POU6F2: variants seen among roughly 807,000 people sequenced by gnomAD.
The protein encoded by POU6F2 is POU domain, class 6, transcription factor 2.
A neutral mutation model predicts 71.3 loss-of-function variants in POU6F2; 31 were observed. The ratio of observed to expected loss-of-function variants is 0.43; its 90% confidence interval spans 0.33 to 0.59. The LOEUF is 0.59. Ranked by LOEUF, POU6F2 falls within the 20% of genes least tolerant of loss-of-function variation. The pLI is 0.04. For synonymous variants in POU6F2, 347 were observed against 355.7 expected (o/e 0.98, Z 0.27); for missense variants, 783 against 856.8 (o/e 0.91, Z 1.07).
intron 2 of POU6F2, among the ~76,000 whole-genome samples, chr7:39,098,703 C>G (rs1453693168): frequency 6.6e-6 from 1 of 152,170 alleles, no homozygotes; most frequent in African/African-American, 2.4e-5. Context: ...TTCAGCTTCC[C>G]CATCTCTGCA....
At chr7:39,198,808 C>T (rs953119625) in intron 2 of POU6F2, among the ~76,000 whole-genome samples, 2 of 152,146 alleles carry the variant, frequency 1.3e-5, no homozygotes, top group Non-Finnish European at 2.9e-5. Flanking sequence ...TTTTTATAGA[C>T]ACCTCCACTC....
At chr7:39,333,746 A>G (rs1785706654) in intron 4 of POU6F2, among the ~76,000 whole-genome samples, 1 of 152,168 alleles carries the variant, frequency 6.6e-6, no homozygotes, top group Non-Finnish European at 1.5e-5. Context: ...TCAAAAATAA[A>G]TAAATAAATA....
intron 4 of POU6F2, among the ~76,000 whole-genome samples, chr7:39,267,799 C>G (rs1017741258): frequency 6.6e-6 from 1 of 152,170 alleles, no homozygotes; most frequent in African/African-American, 2.4e-5. Flanking sequence ...TGAGCACACA[C>G]TGTTAACCCT....
intron 4 of POU6F2, among the ~76,000 whole-genome samples, chr7:39,271,249 T>C (rs1403161191): frequency 6.6e-6 from 1 of 152,194 alleles, no homozygotes; most frequent in Non-Finnish European, 1.5e-5. Context: ...TAAAGTTTTA[T>C]TGGAACCCAG....
intron 1 of POU6F2, among the ~76,000 whole-genome samples, chr7:39,001,357 G>A (rs1288332602): frequency 1.3e-5 from 2 of 152,070 alleles, no homozygotes; most frequent in Non-Finnish European, 1.5e-5. Flanking sequence ...CTTGTTATGG[G>A]TCAGGCATCT....
chr7:39,355,428 A>G (rs544512805), intron 5 of POU6F2, among the ~76,000 whole-genome samples: 5 of 152,292 alleles, frequency 3.3e-5, no homozygotes, highest in African/African-American at 4.8e-5. Context: ...TTGTATGTAT[A>G]TATGTGTTGG....
At chr7:38,984,255 C>T (rs1180781309) in intron 1 of POU6F2, 1 of 152,070 alleles carries the variant, frequency 6.6e-6, no homozygotes. Flanking sequence ...GATATAGTCG[C>T]TCAAAAGTAT....
intron 7 of POU6F2, among the ~76,000 whole-genome samples, chr7:39,449,096 T>G (rs1025760935): frequency 6.6e-6 from 1 of 152,224 alleles, no homozygotes; most frequent in Non-Finnish European, 1.5e-5. Flanking sequence ...CTACTTCGCA[T>G]AGCTGAGCAA....
intron 6 of POU6F2, among the ~76,000 whole-genome samples, chr7:39,418,963 ATG>A (rs373751521): frequency 2.9e-3 from 219 of 75,320 alleles, no homozygotes; most frequent in African/African-American, 0.011. Context: ...ATGTATATAT[ATG>A]TGTATATATG....
Position 38,984,285 on chromosome 7 carries a change from CCTT to C in POU6F2, c.105+6232_105+6234del, listed in dbSNP as rs1321612688. The C allele has an allele frequency of 2.6e-5, 4 of 152,250 alleles. No homozygotes were observed. The East Asian group carries it at 7.7e-4, about 29-fold the overall frequency. The allele number at this position is 152,250 out of a possible 1,614,324, so 9.4% of individuals were successfully genotyped here. ...AAGTATTGCTCTGACATTTTGTTCT[CCTT>C]CTTCACTGCCATTTCTCCATCAGCT... On this transcript the variant is annotated intron_variant, in intron 1 of 9. Coordinates refer to ENST00000518318, the MANE Select transcript of POU6F2 (RefSeq NM_001370959.1).
rs972962832 is a variant in POU6F2, at chr7:39,465,683, A to G, written c.*997A>G. On this transcript the variant is annotated 3_prime_UTR_variant, in exon 10 of 10. Coordinates refer to ENST00000518318, the MANE Select transcript of POU6F2 (RefSeq NM_001370959.1). ...TGAAATGCAGGAGAGACTCCAAAAT[A>G]ACTAGGGCTTTGCTCGATGAACTGT... 6.6e-6 allele frequency: 1 copy of G among 152,206 alleles called. No individual in the cohort carries two copies. The highest frequency in any genetic ancestry group is 2.4e-5 in the African/African-American group (1 of 41,450). 9.4% of individuals were successfully genotyped at this position (152,206 alleles called of 1,614,324 possible).
intron 4 of POU6F2, among the ~76,000 whole-genome samples, chr7:39,220,938 T>G (rs1794342027): frequency 6.6e-6 from 1 of 152,106 alleles, no homozygotes; most frequent in Non-Finnish European, 1.5e-5. Context: ...GCTGTAAGTG[T>G]AAAATTCACA....
At position 39,273,435 on chromosome 7, in the gene POU6F2, G is replaced by A. The variant is rs115525508; in HGVS notation, c.598+65815G>A. Among the ~76,000 whole-genome samples, 551 of 152,218 alleles carry A rather than the reference G, an allele frequency of 3.6e-3. 1 individual carries two copies. The highest frequency in any genetic ancestry group is 0.013 in the African/African-American group (525 of 41,514). Reference sequence around the variant, plus strand: ...CTTTCCAAAAACTCATAACCCCGTCGAATCAAGATTAAAACATCAGGAAAA... The same window carrying A: ...CTTTCCAAAAACTCATAACCCCGTCAAATCAAGATTAAAACATCAGGAAAA... On this transcript the variant is annotated intron_variant, in intron 4 of 9. Transcript: ENST00000518318.
At chr7:39,047,685 A>T (rs964789366) in intron 1 of POU6F2, among the ~76,000 whole-genome samples, 29 of 151,882 alleles carry the variant, frequency 1.9e-4, no homozygotes, top group African/African-American at 7.0e-4. Context: ...TCCAGTGTAG[A>T]TGCACTTAAT....
Position 39,467,568 on chromosome 7 carries a change from G to GA in POU6F2, c.*2888dup, listed in dbSNP as rs1789100311. On this transcript the variant is annotated 3_prime_UTR_variant, in exon 10 of 10. Coordinates refer to ENST00000518318, the MANE Select transcript of POU6F2 (RefSeq NM_001370959.1). ...GTTATCTGCATTTTCATTACTTCAT[G>GA]AAAAAATGACAGTGGATATTACATT... 6.6e-6 allele frequency: 1 copy of GA among 152,222 alleles called. No individual in the cohort carries two copies. The highest frequency in any genetic ancestry group is 6.5e-5 in the Admixed American group (1 of 15,294). 9.4% of individuals were successfully genotyped at this position (152,222 alleles called of 1,614,324 possible).
At chr7:39,084,099 C>CCCCCT (rs1791186304) in intron 1 of POU6F2, among the ~76,000 whole-genome samples, 1 of 152,142 alleles carries the variant, frequency 6.6e-6, no homozygotes, top group African/African-American at 2.4e-5. Flanking sequence ...TCTCCCTCAT[C>CCCCCT]CCCCTCCTTT....
At chr7:39,006,670 A>G (rs928070020) in intron 1 of POU6F2, 1 of 629,172 alleles carries the variant, frequency 1.6e-6, no homozygotes, top group African/African-American at 1.8e-5. Flanking sequence ...TCTGTCTGCC[A>G]AGTCCTGTAA....
intron 2 of POU6F2, among the ~76,000 whole-genome samples, chr7:39,145,759 G>T (rs1226356549): frequency 1.3e-5 from 2 of 152,120 alleles, no homozygotes; most frequent in African/African-American, 2.4e-5. Flanking sequence ...AAGGGTGTGG[G>T]GTTGTGGATG....
intron 2 of POU6F2, among the ~76,000 whole-genome samples, chr7:39,202,448 A>G (rs777406277): frequency 6.6e-6 from 1 of 152,238 alleles, no homozygotes; most frequent in Non-Finnish European, 1.5e-5. Context: ...GTATGGGAAA[A>G]CAACCAAATT....
Sources: gnomAD v4.1 joint callset for allele counts (sites outside exome capture counted in the v4.1 genomes callset) on GRCh38, gnomAD v4.1.1 for gene constraint, MANE v1.5 for transcripts, NCBI Gene and HGNC (gene_info 2026-07-23, HGNC 2026-07-21) for gene names.